The following TMEM14B variants were observed in gnomAD, a reference collection of about 807,000 sequenced individuals.
TMEM14B encodes transmembrane protein 14B.
A neutral mutation model predicts 14.8 loss-of-function variants in TMEM14B; 9 were observed. The ratio of observed to expected loss-of-function variants is 0.61; its 90% CI spans 0.37 to 1.06. TMEM14B has a LOEUF of 1.06. TMEM14B is among the 50% of genes least tolerant of loss of function. The pLI, the probability that TMEM14B is intolerant of heterozygous loss-of-function variation, is 0.01. For missense variants in TMEM14B, 128 were observed against 143.6 expected (o/e 0.89, Z 0.56); for synonymous variants, 40 against 51.3 (o/e 0.78, Z 0.94).
chr6:10,756,542 C>A lies in TMEM14B; in HGVS notation c.*24C>A. ...AGCAGAAGTCATGTTCCAGCTTGGA[C>A]TCATGAAGGATTAAAAATCTGCATC... is the stretch of plus-strand genomic sequence containing the variant. On this transcript the variant is annotated 3_prime_UTR_variant, in exon 6 of 6. Transcript: ENST00000379542. 1.2e-6 allele frequency: 2 copies of A among 1,608,104 alleles called. No individual in the cohort carries two copies. Among genetic ancestry groups the A allele is most frequent in the Non-Finnish European group, 1.7e-6 (2 of 1,178,000 alleles).
chr6:10,749,161 C>G (rs1317907091), intron 1 of TMEM14B, 41 bp from the exon 2 acceptor site: 1 of 1,392,134 alleles, frequency 7.2e-7, no homozygotes, highest in African/African-American at 1.4e-5. Context: ...TGCTGGGGAG[C>G]TGTGCTTTTA....
intron 5 of TMEM14B, chr6:10,755,586 C>T: frequency 8.0e-7 from 1 of 1,257,784 alleles, no homozygotes; most frequent in Non-Finnish European, 1.0e-6. Flanking sequence ...GAAAATTTTG[C>T]TAAAAGGAAA....
rs141075814 is a variant in TMEM14B, at chr6:10,756,487, T to G, written c.314T>G (p.Val105Gly). ...AGASLLMAAK[V>G]GVRMLMTSD ...AACAGTTTGCTGATGGCCGCCAAAG[T>G]TGGAGTTCGTATGTTGATGACATCT... The change falls in exon 6 of 6, where the codon GTT becomes GGT. Residue 105 changes from valine to glycine, a missense_variant. Physicochemically the swap from Val to Gly is moderately radical, Grantham distance 109 (BLOSUM62 -3). Transcript: ENST00000379542. 6.8e-6 allele frequency: 11 copies of G among 1,613,930 alleles called. No homozygotes were observed. The African/African-American group carries it at 1.5e-4, about 22-fold the overall frequency.
At chr6:10,757,947 C>G (rs577705350), downstream of TMEM14B, among the ~76,000 whole-genome samples, 1 of 151,186 alleles carries the variant, frequency 6.6e-6, no homozygotes, top group Admixed American at 6.6e-5. Flanking sequence ...GCCGAGATCA[C>G]GCCACTGCAC....
At chr6:10,749,346 C>T (rs901298721) in intron 2 of TMEM14B, 78 bp downstream of exon 2, 16 of 1,554,692 alleles carry the variant, frequency 1.0e-5, no homozygotes, top group Non-Finnish European at 1.4e-5. Context: ...TGAAAAGAAC[C>T]CTAAGAGTAG....
chr6:10,749,066 G>A, intron 1 of TMEM14B, 136 bp from the exon 2 acceptor site: 3 of 579,288 alleles, frequency 5.2e-6, no homozygotes, highest in Non-Finnish European at 9.3e-6. Flanking sequence ...CCAGGAAATT[G>A]GTACCAGTGT....
At position 10,755,147 on chromosome 6, in the gene TMEM14B, A is replaced by G. The variant is rs761613345; in HGVS notation, c.208A>G (p.Thr70Ala). 3 of 1,613,772 alleles carry G rather than the reference A, an allele frequency of 1.9e-6. No individual in the cohort carries two copies. The East Asian group carries it at 6.7e-5, about 36-fold the overall frequency. The change falls in exon 5 of 6, where the codon ACA becomes GCA. Residue 70 changes from threonine (T) to alanine (A), a missense_variant. By Grantham distance (58) the Thr-to-Ala change is moderately conservative. Transcript: ENST00000379542. ...PRNVWGFLAA[T>A]SVTFVGVMGM... ...CTTCTTTGTATCTTTTTCAGCCGCT[A>G]CATCTGTTACTTTTGTTGGTGTTAT...
intron 4 of TMEM14B, among the ~76,000 whole-genome samples, chr6:10,754,117 A>G (rs1027488962): frequency 1.3e-5 from 2 of 152,144 alleles, no homozygotes; most frequent in African/African-American, 4.8e-5. Context: ...CACTAAAATT[A>G]AAAAAGGCTT....
intron 1 of TMEM14B, among the ~76,000 whole-genome samples, chr6:10,748,934 A>G (rs1240125068): frequency 6.6e-6 from 1 of 152,190 alleles, no homozygotes; most frequent in African/African-American, 2.4e-5. Context: ...CTGATTATAG[A>G]GCTGGTCAGT....
At chr6:10,750,386 C>T (rs920388829) in intron 3 of TMEM14B, among the ~76,000 whole-genome samples, 2 of 128,396 alleles carry the variant, frequency 1.6e-5, no homozygotes, top group Admixed American at 1.0e-4. Context: ...AAAGTTCTCT[C>T]GGCCTTGAAG....
In TMEM14B at chr6:10,756,736, A is replaced by G; in HGVS notation, c.*218A>G. 1 of 1,227,884 alleles carries G rather than the reference A, an allele frequency of 8.1e-7. No homozygotes were observed. The highest frequency in any genetic ancestry group is 1.0e-6 in the Non-Finnish European group (1 of 981,866). 76.1% of individuals were successfully genotyped at this position (1,227,884 alleles called of 1,614,324 possible). On this transcript the variant is annotated 3_prime_UTR_variant, in exon 6 of 6. Coordinates refer to ENST00000379542, the MANE Select transcript of TMEM14B (RefSeq NM_030969.5). ...GTAACATGAGCTTATTGAGACCATC[A>G]TAGAGATCGATTCTTGTATATTGAT...
chr6:10,756,339 G>A, intron 5 of TMEM14B, 128 bp from the exon 6 acceptor site: 1 of 1,060,208 alleles, frequency 9.4e-7, no homozygotes, highest in Non-Finnish European at 1.3e-6. Flanking sequence ...TTTTACCTCT[G>A]ACCACTCTTG....
At chr6:10,756,370 C>T in intron 5 of TMEM14B, 97 bp from the exon 6 acceptor site, 1 of 1,427,526 alleles carries the variant, frequency 7.0e-7, no homozygotes, top group Non-Finnish European at 9.6e-7. Flanking sequence ...TCCTCCCCCA[C>T]ACAGTTGTGA....
chr6:10,753,899 G>T (rs1030061937), intron 4 of TMEM14B, among the ~76,000 whole-genome samples: 1 of 152,114 alleles, frequency 6.6e-6, no homozygotes, highest in African/African-American at 2.4e-5. Flanking sequence ...TCCCAAGGAC[G>T]TTCCTTAGCT....
chr6:10,755,362 A>G (rs1771764729), intron 5 of TMEM14B, 130 bp downstream of exon 5: 2 of 1,546,300 alleles, frequency 1.3e-6, no homozygotes, highest in Non-Finnish European at 1.7e-6. Context: ...TGACTTATAC[A>G]CTAATAGGAG....
intron 3 of TMEM14B, chr6:10,749,964 T>A (rs1466438331): frequency 1.4e-5 from 7 of 509,934 alleles, no homozygotes; most frequent in African/African-American, 1.3e-4. Context: ...GTTATTATCA[T>A]TGACTGCCAT....
intron 1 of TMEM14B, 150 bp from the exon 2 acceptor site, chr6:10,749,052 A>AC: frequency 3.5e-6 from 2 of 568,056 alleles, no homozygotes; most frequent in South Asian, 2.4e-5. Flanking sequence ...TGCTCACAAC[A>AC]CCCCCAGGAA....
chr6:10,752,452 CTTT>C (rs60849022), intron 4 of TMEM14B, among the ~76,000 whole-genome samples: 3 of 112,504 alleles, frequency 2.7e-5, no homozygotes, highest in African/African-American at 7.3e-5. Flanking sequence ...CATAAACTAC[CTTT>C]TTTTTTTTTT....
intron 4 of TMEM14B, among the ~76,000 whole-genome samples, chr6:10,753,757 A>G (rs547447955): frequency 3.2e-4 from 49 of 151,724 alleles, no homozygotes; most frequent in African/African-American, 1.0e-3. Flanking sequence ...TTTCCTTTCT[A>G]CCACCCCCTT....
Sources: allele counts gnomAD v4.1 joint callset (sites outside exome capture counted in the v4.1 genomes callset), GRCh38; gene constraint gnomAD v4.1.1; transcripts MANE v1.5; gene names NCBI Gene and HGNC (gene_info 2026-07-23, HGNC 2026-07-21).